NDUFAF2: variants seen among roughly 807,000 people sequenced by gnomAD.
NDUFAF2 encodes the protein NADH dehydrogenase [ubiquinone] 1 alpha subcomplex assembly factor 2.
A neutral mutation model predicts 22.8 loss-of-function variants in NDUFAF2; 13 were observed. The ratio of observed to expected loss-of-function variants is 0.57; its 90% CI spans 0.37 to 0.91. NDUFAF2 has a LOEUF of 0.91. Among genes scored for constraint, NDUFAF2 ranks in the 40% least tolerant of loss-of-function variants. The pLI, the probability that NDUFAF2 is intolerant of heterozygous loss-of-function variation, is 0.01. For synonymous variants in NDUFAF2, 53 were observed against 64.2 expected (o/e 0.83, Z 0.84); for missense variants, 162 against 195.2 (o/e 0.83, Z 1.01).
chr5:61,045,022 T>TTAAATTTTAATTTA (rs1554081091), intron 1 of NDUFAF2, among the ~76,000 whole-genome samples: 2 of 128,072 alleles, frequency 1.6e-5, no homozygotes, highest in African/African-American at 2.7e-5. Flanking sequence ...GTATTAAATT[T>TTAAATTTTAATTTA]ATTAAATTTT....
chr5:61,007,617 A>G (rs934733600), intron 1 of NDUFAF2, among the ~76,000 whole-genome samples: 1 of 152,230 alleles, frequency 6.6e-6, no homozygotes, highest in Non-Finnish European at 1.5e-5. Flanking sequence ...ATCTCACACC[A>G]GTTAGAATGG....
chr5:61,096,683 G>T (rs1266470412), intron 2 of NDUFAF2, among the ~76,000 whole-genome samples: 1 of 151,916 alleles, frequency 6.6e-6, no homozygotes, highest in Non-Finnish European at 1.5e-5. Flanking sequence ...CAGAATACAG[G>T]CTGGGTGCAG....
intron 1 of NDUFAF2, among the ~76,000 whole-genome samples, chr5:60,986,319 CA>C (rs1203891567): frequency 6.6e-6 from 1 of 152,106 alleles, no homozygotes; most frequent in Non-Finnish European, 1.5e-5. Context: ...TGGAGAAAAT[CA>C]GTCAAAACTA....
intron 1 of NDUFAF2, among the ~76,000 whole-genome samples, chr5:61,051,054 C>T (rs72759210): frequency 0.29 from 44,338 of 152,030 alleles, 7,939 homozygotes; most frequent in East Asian, 0.43. Flanking sequence ...TTTCCAGTGA[C>T]GCAGAAAAGA....
intron 1 of NDUFAF2, among the ~76,000 whole-genome samples, chr5:61,029,784 C>T (rs1247501487): frequency 6.6e-6 from 1 of 152,118 alleles, no homozygotes; most frequent in Non-Finnish European, 1.5e-5. Context: ...TGTAAACATA[C>T]ATCTCTAGTC....
At chr5:60,984,796 C>T (rs1260524211) in intron 1 of NDUFAF2, among the ~76,000 whole-genome samples, 2 of 152,162 alleles carry the variant, frequency 1.3e-5, no homozygotes, top group East Asian at 3.8e-4. Flanking sequence ...TTCGGTTTGC[C>T]AGTATTTTAT....
intron 3 of NDUFAF2, among the ~76,000 whole-genome samples, chr5:61,145,662 C>A (rs1451667143): frequency 6.6e-6 from 1 of 152,188 alleles, no homozygotes; most frequent in Non-Finnish European, 1.5e-5. Flanking sequence ...ACAACATAAA[C>A]AACTCAAGCC....
intron 3 of NDUFAF2, among the ~76,000 whole-genome samples, chr5:61,104,773 A>G (rs977018466): frequency 3.9e-5 from 6 of 152,118 alleles, no homozygotes; most frequent in African/African-American, 1.4e-4. Context: ...GCACAGAAAA[A>G]AAAAACAGGA....
chr5:61,040,286 A>ACACACACACACACACACGCGCGCGCGCG (rs1491193758), intron 1 of NDUFAF2, among the ~76,000 whole-genome samples: 1 of 93,074 alleles, frequency 1.1e-5, no homozygotes, highest in Admixed American at 1.0e-4. Flanking sequence ...ACACACACAC[A>ACACACACACACACACACGCGCGCGCGCG]CGCGCGCGCG....
In NDUFAF2 at chr5:61,101,169, G is replaced by A. The variant is rs189237543; in HGVS notation, c.258+2137G>A. 2.9e-3 allele frequency among the ~76,000 whole-genome samples: 441 copies of A among 151,914 alleles called. 4 individuals carry two copies. The highest frequency in any genetic ancestry group is 0.01 in the African/African-American group (426 of 41,436). On this transcript the variant is annotated intron_variant, in intron 3 of 3. Transcript: ENST00000296597. The stretch of plus-strand genomic sequence containing the variant: ...AAAGTAAAACATATATTTATAAACC[G>A]TAACAAAAAAATAGCTTATTTAGTT...
At chr5:61,119,099 A>G (rs920317278) in intron 3 of NDUFAF2, among the ~76,000 whole-genome samples, 4 of 152,224 alleles carry the variant, frequency 2.6e-5, no homozygotes, top group African/African-American at 9.6e-5. Context: ...TACTCAGGAT[A>G]AACTGAAAAA....
At chr5:61,026,580 A>G (rs1382703798) in intron 1 of NDUFAF2, among the ~76,000 whole-genome samples, 1 of 152,112 alleles carries the variant, frequency 6.6e-6, no homozygotes, top group African/African-American at 2.4e-5. Context: ...GAAGATGAGT[A>G]TTGTAGGAAT....
chr5:61,149,311 C>G (rs984025554), intron 3 of NDUFAF2, among the ~76,000 whole-genome samples: 2 of 152,234 alleles, frequency 1.3e-5, no homozygotes, highest in East Asian at 3.9e-4. Flanking sequence ...CCTTGTAATA[C>G]ATAACTATCT....
intron 1 of NDUFAF2, among the ~76,000 whole-genome samples, chr5:61,012,109 G>GT (rs1323752761): frequency 1.3e-5 from 2 of 151,684 alleles, no homozygotes; most frequent in Non-Finnish European, 2.9e-5. Flanking sequence ...GTTTTGTTTT[G>GT]TTTTTTAGGT....
rs2080869 is a variant in NDUFAF2 at position 61,092,751 on chromosome 5, A to C, written c.218-6241A>C. 3.5e-3 allele frequency among the ~76,000 whole-genome samples: 528 copies of C among 152,044 alleles called. 3 individuals are homozygous for C. Among genetic ancestry groups the C allele is most frequent in the Non-Finnish European group, 5.6e-3 (378 of 67,956 alleles). The stretch of plus-strand genomic sequence containing the variant: ...GCCAGAACTTCCTATACTATGTTGA[A>C]TACAAGTAGTGAGAGAGGGCATCCT... On this transcript the variant is annotated intron_variant, in intron 2 of 3. Transcript: ENST00000296597.
chr5:60,945,628 C>A (rs568593616), intron 1 of NDUFAF2, among the ~76,000 whole-genome samples: 1 of 152,338 alleles, frequency 6.6e-6, no homozygotes, highest in South Asian at 2.1e-4. Context: ...AGCGCCTTCC[C>A]CCGGCGTGCC....
intron 2 of NDUFAF2, among the ~76,000 whole-genome samples, chr5:61,086,240 A>G (rs1752504365): frequency 6.6e-6 from 1 of 152,174 alleles, no homozygotes; most frequent in Non-Finnish European, 1.5e-5. Context: ...AAAAGACAGT[A>G]TTTCCCTTCA....
chr5:61,078,195 G>A (rs536823179), intron 2 of NDUFAF2, among the ~76,000 whole-genome samples: 5 of 151,892 alleles, frequency 3.3e-5, no homozygotes, highest in South Asian at 2.1e-4. Flanking sequence ...TGCATCCTCC[G>A]CCCTAAACTG....
At chr5:60,969,143 T>C (rs1448885857) in intron 1 of NDUFAF2, among the ~76,000 whole-genome samples, 2 of 152,138 alleles carry the variant, frequency 1.3e-5, no homozygotes, top group Non-Finnish European at 2.9e-5. Flanking sequence ...TTCCAAATCT[T>C]CATTATTGTG....
Sources: allele counts gnomAD v4.1 joint callset (sites outside exome capture counted in the v4.1 genomes callset), GRCh38; gene constraint gnomAD v4.1.1; transcripts MANE v1.5; gene names NCBI Gene and HGNC (gene_info 2026-07-23, HGNC 2026-07-21).